Variants in YBX1 observed in about 807,000 individuals in gnomAD.
YBX1 encodes the protein Y-box-binding protein 1.
Under a neutral mutation model 41.4 loss-of-function variants are expected in YBX1, and 3 were observed. The observed-to-expected ratio is 0.07, with a 90% CI of 0.03 to 0.19. YBX1 has a LOEUF of 0.19. YBX1 is among the 10% of genes least tolerant of loss of function. YBX1 has a pLI of 1.00. For missense variants in YBX1, 274 were observed against 462.8 expected (o/e 0.59, Z 3.74); for synonymous variants, 133 against 165.8 (o/e 0.80, Z 1.52).
intron 6 of YBX1, among the ~76,000 whole-genome samples, chr1:42,698,143 A>G (rs1164655245): frequency 6.6e-6 from 1 of 152,246 alleles, no homozygotes; most frequent in Non-Finnish European, 1.5e-5. Context: ...CTGTGAGTCT[A>G]TAAGAGGGGG....
intron 2 of YBX1, among the ~76,000 whole-genome samples, chr1:42,684,257 G>A (rs1650136434): frequency 2.0e-5 from 3 of 152,254 alleles, no homozygotes; most frequent in African/African-American, 7.2e-5. Flanking sequence ...TGTAGGAGTG[G>A]TGGTGGTAAC....
Position 42,696,305 on chromosome 1 carries a change from T to G in YBX1, c.354+17T>G. The stretch of plus-strand genomic sequence containing the variant: ...GGAGAAAAGGTGAGGATGCTTTTTG[T>G]GTAAAGGTTTGACTTCAGTATGGAA... On this transcript the variant is annotated intron_variant, in intron 4 of 7. Transcript: ENST00000321358. The surrounding 1 kb of genome is among the most constrained non-coding windows in gnomAD (Gnocchi z 5.7). 6.2e-7 allele frequency: 1 copy of G among 1,610,028 alleles called. No homozygotes were observed. The highest frequency in any genetic ancestry group is 8.5e-7 in the Non-Finnish European group (1 of 1,178,098).
intron 7 of YBX1, among the ~76,000 whole-genome samples, chr1:42,701,621 G>T (rs1650604029): frequency 6.6e-6 from 1 of 151,922 alleles, no homozygotes. Flanking sequence ...GTTTATCATG[G>T]TTTATTTAAA....
intron 3 of YBX1, among the ~76,000 whole-genome samples, 200 bp from the exon 4 acceptor site, chr1:42,695,999 C>T (rs184560679): frequency 6.6e-6 from 1 of 152,220 alleles, no homozygotes; most frequent in East Asian, 1.9e-4. Context: ...AATGCTGGGG[C>T]CTTGTATGAT....
chr1:42,701,711 C>G (rs1454631776), intron 7 of YBX1, among the ~76,000 whole-genome samples: 2 of 152,138 alleles, frequency 1.3e-5, no homozygotes, highest in Admixed American at 1.3e-4. Flanking sequence ...CTCATTAGCT[C>G]ACTTGTTTTT....
chr1:42,696,876 T>C lies in YBX1; in HGVS notation c.589T>C (p.Tyr197His). The C allele has an allele frequency of 6.2e-7, 1 of 1,600,544 alleles. No homozygotes were observed. Among genetic ancestry groups the C allele is most frequent in the Non-Finnish European group, 8.5e-7 (1 of 1,172,552 alleles). ...PYRRRRFPPY[Y>H]MRRPYGRRPQ... ...CCGCAGGCGAAGGTTCCCACCTTAC[T>C]ACATGCGGAGACCCTATGGGCGTCG... Residue 197 changes from tyrosine (Y) to histidine (H), a missense_variant, in exon 5 of 8, where the codon TAC becomes CAC. This residue lies in a region of YBX1 where 187 missense variants were observed against 306.3 expected (regional missense o/e 0.61). Coordinates refer to ENST00000321358, the MANE Select transcript of YBX1 (RefSeq NM_004559.5). The surrounding 1 kb of genome is among the most constrained non-coding windows in gnomAD (Gnocchi z 5.7).
intron 2 of YBX1, among the ~76,000 whole-genome samples, chr1:42,687,882 C>A (rs1162480914): frequency 6.6e-6 from 1 of 152,160 alleles, no homozygotes; most frequent in Non-Finnish European, 1.5e-5. Flanking sequence ...ACATAACTGA[C>A]AAAATGTTTT....
chr1:42,683,868 A>G (rs148447510), intron 2 of YBX1, among the ~76,000 whole-genome samples: 1 of 152,058 alleles, frequency 6.6e-6, no homozygotes, highest in African/African-American at 2.4e-5. Context: ...ATATTTATAC[A>G]TTGTTAACGT....
Position 42,697,161 on chromosome 1 carries a change from T to A in YBX1, c.658-19T>A. ...TATATTACTGACCCAGTAGGCTTAA[T>A]TTCCATTGTCTTTTTCAGGGTGCTG... On this transcript the variant is annotated intron_variant, in intron 5 of 7. Coordinates refer to ENST00000321358, the MANE Select transcript of YBX1 (RefSeq NM_004559.5). 1 of 1,608,992 alleles carries A rather than the reference T, an allele frequency of 6.2e-7. No homozygotes were observed. The highest frequency in any genetic ancestry group is 8.5e-7 in the Non-Finnish European group (1 of 1,178,582).
chr1:42,687,578 G>A (rs147356244), intron 2 of YBX1, among the ~76,000 whole-genome samples: 29 of 152,148 alleles, frequency 1.9e-4, no homozygotes, highest in African/African-American at 7.0e-4. Context: ...CACTGCGCCC[G>A]GCCTCTAAAG....
chr1:42,690,516 T>G lies in YBX1; in HGVS notation c.231-2974T>G, dbSNP rs553365259. Reference sequence around the variant, plus strand: ...CAGAACCACATTTAGACTAATACTTTTTATTTCTAGTTAAAACAATGCAGG... The same window carrying G: ...CAGAACCACATTTAGACTAATACTTGTTATTTCTAGTTAAAACAATGCAGG... On this transcript the variant is annotated intron_variant, in intron 2 of 7. Transcript: ENST00000321358. Among the ~76,000 whole-genome samples the G allele has an allele frequency of 5.4e-4, 82 of 152,266 alleles. 2 individuals carry two copies. In the South Asian group the frequency reaches 0.015, roughly 27 times the overall value.
chr1:42,682,518 G>A lies in YBX1; in HGVS notation c.-48G>A. 7.1e-7 allele frequency: 1 copy of A among 1,415,764 alleles called. No individual in the cohort carries two copies. Among genetic ancestry groups the A allele is most frequent in the South Asian group, 1.4e-5 (1 of 70,122 alleles). The allele number at this position is 1,415,764 out of a possible 1,614,324, so 87.7% of individuals were successfully genotyped here. A position where few individuals can be genotyped will look rare whatever the true frequency, so the allele number is the denominator to read the frequency against. On this transcript the variant is annotated 5_prime_UTR_variant, in exon 1 of 8. Coordinates refer to ENST00000321358, the MANE Select transcript of YBX1 (RefSeq NM_004559.5). Reference sequence around the variant, plus strand: ...CGGCCTAGTTACCATCACACCCCGGGAGGAGCCGCAGCTGCCGCAGCCGGC... The same window carrying A: ...CGGCCTAGTTACCATCACACCCCGGAAGGAGCCGCAGCTGCCGCAGCCGGC...
chr1:42,686,784 C>T (rs1381597911), intron 2 of YBX1, among the ~76,000 whole-genome samples: 1 of 152,148 alleles, frequency 6.6e-6, no homozygotes, highest in Non-Finnish European at 1.5e-5. Flanking sequence ...CTTTAAAAAC[C>T]TTTGAGGCGT....
intron 1 of YBX1, 34 bp from the exon 2 acceptor site, chr1:42,683,369 A>G: frequency 6.2e-7 from 1 of 1,614,012 alleles, no homozygotes; most frequent in Non-Finnish European, 8.5e-7. Context: ...ATAGCTGGTA[A>G]TCGTGGCTTG....
chr1:42,690,239 TTTC>T (rs996876846), intron 2 of YBX1, among the ~76,000 whole-genome samples: 4 of 138,862 alleles, frequency 2.9e-5, no homozygotes, highest in Non-Finnish European at 4.8e-5. Flanking sequence ...GTTATTTCTT[TTTC>T]TTTTCTTTTT....
At chr1:42,689,459 A>AT (rs1293824222) in intron 2 of YBX1, among the ~76,000 whole-genome samples, 4 of 152,352 alleles carry the variant, frequency 2.6e-5, no homozygotes, top group African/African-American at 9.6e-5. Context: ...AAGTAGTAGT[A>AT]TAAGAGCATT....
intron 2 of YBX1, among the ~76,000 whole-genome samples, chr1:42,684,652 C>G (rs1650147224): frequency 6.6e-6 from 1 of 152,092 alleles, no homozygotes; most frequent in Admixed American, 6.5e-5. Flanking sequence ...TTGTTTCTTC[C>G]AAAATCTTAG....
chr1:42,682,968 G>GCGGCCGCGCGCCGC (rs1553134353), intron 1 of YBX1: 1 of 154,730 alleles, frequency 6.5e-6, no homozygotes. Flanking sequence ...CCCTCCCCCT[G>GCGGCCGCGCGCCGC]CGGCCGCGCG....
chr1:42,703,662 G>A lies in YBX1; in HGVS notation c.*1713G>A, dbSNP rs981184242. 3.3e-5 allele frequency among the ~76,000 whole-genome samples: 5 copies of A among 152,076 alleles called. No homozygotes were observed. The highest frequency in any genetic ancestry group is 1.2e-4 in the African/African-American group (5 of 41,438). ...GCACACAGTCCCTGACTTAAACAGT[G>A]GTTTGACTTAGGGGCTTTTAGTGGG... On this transcript the variant is annotated 3_prime_UTR_variant, in exon 8 of 8. Coordinates refer to ENST00000321358, the MANE Select transcript of YBX1 (RefSeq NM_004559.5).
Sources: allele counts gnomAD v4.1 joint callset (sites outside exome capture counted in the v4.1 genomes callset), GRCh38; gene constraint gnomAD v4.1.1; regional missense constraint gnomAD v4.1.1; non-coding constraint Gnocchi (gnomAD v3.1); transcripts MANE v1.5; gene names NCBI Gene and HGNC (gene_info 2026-07-23, HGNC 2026-07-21).